Variants in PSD3 observed in about 807,000 individuals in gnomAD.
PSD3 encodes the protein pleckstrin and Sec7 domain containing 3.
A neutral mutation model predicts 105.5 loss-of-function variants in PSD3; 49 were observed. The observed-to-expected ratio is 0.46, with a 90% CI of 0.37 to 0.59. The LOEUF (loss-of-function observed/expected upper bound fraction) is 0.59. Ranked by LOEUF, PSD3 falls within the 20% of genes least tolerant of loss-of-function variation. The pLI is 0.00. For synonymous variants in PSD3, 557 were observed against 457.8 expected (o/e 1.22, Z -2.77); for missense variants, 1,561 against 1,263.8 (o/e 1.24, Z -3.57).
chr8:18,635,636 A>G (rs958843649), intron 10 of PSD3, among the ~76,000 whole-genome samples: 3 of 152,166 alleles, frequency 2.0e-5, no homozygotes, highest in Non-Finnish European at 4.4e-5. Context: ...AACCAACCCA[A>G]ATGCCCACCA....
intron 9 of PSD3, among the ~76,000 whole-genome samples, chr8:18,716,248 G>A (rs1157608131): frequency 3.3e-5 from 5 of 152,178 alleles, no homozygotes; most frequent in East Asian, 1.9e-4. Flanking sequence ...TACCACTCAT[G>A]GTCCACACTC....
At chr8:18,616,615 T>C (rs1280869633) in intron 11 of PSD3, among the ~76,000 whole-genome samples, 1 of 80,470 alleles carries the variant, frequency 1.2e-5, no homozygotes, top group Non-Finnish European at 2.7e-5. Flanking sequence ...CTCATCTTCC[T>C]CTCTTTTCTT....
intron 1 of PSD3, among the ~76,000 whole-genome samples, chr8:19,030,247 A>G (rs1184130705): frequency 6.6e-6 from 1 of 152,154 alleles, no homozygotes; most frequent in Non-Finnish European, 1.5e-5. Context: ...TTTCTTTTTT[A>G]TGCTGTAATT....
chr8:18,835,860 A>G (rs1814064142), intron 4 of PSD3, among the ~76,000 whole-genome samples: 2 of 152,204 alleles, frequency 1.3e-5, no homozygotes, highest in African/African-American at 4.8e-5. Flanking sequence ...GAGGCCACAG[A>G]GCGGTGTATG....
chr8:18,572,884 C>T (rs1802228816), intron 13 of PSD3, among the ~76,000 whole-genome samples: 1 of 152,138 alleles, frequency 6.6e-6, no homozygotes, highest in African/African-American at 2.4e-5. Flanking sequence ...GACTGTGATT[C>T]TCTCCCTAGG....
intron 7 of PSD3, among the ~76,000 whole-genome samples, chr8:18,800,639 A>T (rs1490346659): frequency 6.6e-6 from 1 of 152,230 alleles, no homozygotes; most frequent in African/African-American, 2.4e-5. Flanking sequence ...GTCCACAAAC[A>T]AACAGTTTAC....
intron 2 of PSD3, among the ~76,000 whole-genome samples, chr8:18,874,858 C>A (rs540345386): frequency 6.6e-6 from 1 of 151,944 alleles, no homozygotes; most frequent in Non-Finnish European, 1.5e-5. Context: ...AATAGCAATA[C>A]CTCTGAGAGT....
At chr8:18,935,518 A>G (rs1036434945) in intron 2 of PSD3, among the ~76,000 whole-genome samples, 1 of 151,612 alleles carries the variant, frequency 6.6e-6, no homozygotes, top group Non-Finnish European at 1.5e-5. Context: ...TCTTAAAAAA[A>G]AAAAAAAAAG....
At chr8:18,983,038 C>A (rs575125325) in intron 1 of PSD3, among the ~76,000 whole-genome samples, 126 of 152,334 alleles carry the variant, frequency 8.3e-4, no homozygotes, top group Middle Eastern at 3.4e-3. Context: ...TGATGTTTAG[C>A]ATAGCCTCAG....
intron 9 of PSD3, among the ~76,000 whole-genome samples, chr8:18,718,232 T>C (rs1585717349): frequency 6.6e-6 from 1 of 152,220 alleles, no homozygotes; most frequent in East Asian, 1.9e-4. Flanking sequence ...CTCACAATCT[T>C]TTATTTTATT....
intron 4 of PSD3, among the ~76,000 whole-genome samples, chr8:18,814,459 G>C (rs1288496071): frequency 2.0e-5 from 3 of 152,154 alleles, no homozygotes; most frequent in Admixed American, 6.5e-5. Context: ...AACGTTTCTA[G>C]GGGCATGATG....
intron 11 of PSD3, among the ~76,000 whole-genome samples, chr8:18,623,234 A>AC (rs1554524929): frequency 6.6e-6 from 1 of 151,498 alleles, no homozygotes; most frequent in African/African-American, 2.4e-5. Flanking sequence ...TCTAATTGTA[A>AC]TTTTCCTGTG....
intron 1 of PSD3, among the ~76,000 whole-genome samples, chr8:19,061,517 T>A (rs1250093731): frequency 6.6e-6 from 1 of 151,702 alleles, no homozygotes; most frequent in East Asian, 1.9e-4. Flanking sequence ...AAAAAAAAAA[T>A]CACTTCCCGG....
chr8:18,701,309 G>GT (rs991815881), intron 9 of PSD3, among the ~76,000 whole-genome samples: 6 of 151,832 alleles, frequency 4.0e-5, no homozygotes, highest in Admixed American at 2.6e-4. Context: ...AAGTAAAATA[G>GT]TTTTTTTTGG....
At chr8:18,928,698 A>G (rs1821540129) in intron 2 of PSD3, among the ~76,000 whole-genome samples, 1 of 149,632 alleles carries the variant, frequency 6.7e-6, no homozygotes, top group Admixed American at 6.7e-5. Flanking sequence ...TTTTCTTTTT[A>G]TCTTTCTCTT....
chr8:18,722,472 G>C (rs1171025110), intron 9 of PSD3, among the ~76,000 whole-genome samples: 2 of 152,014 alleles, frequency 1.3e-5, no homozygotes, highest in African/African-American at 2.4e-5. Flanking sequence ...CCTTGTAAAA[G>C]GTTTCCCTTC....
chr8:18,971,961 C>A (rs377648799), intron 1 of PSD3, among the ~76,000 whole-genome samples: 1 of 152,024 alleles, frequency 6.6e-6, no homozygotes. Flanking sequence ...GCCGAGATCA[C>A]GCCACAGCAC....
intron 1 of PSD3, among the ~76,000 whole-genome samples, chr8:19,061,364 A>G (rs1443115670): frequency 6.6e-6 from 1 of 152,210 alleles, no homozygotes; most frequent in African/African-American, 2.4e-5. Flanking sequence ...ATCACTGGCG[A>G]CAAGACAAAA....
At chr8:18,799,945 C>T (rs771480314) in intron 7 of PSD3, among the ~76,000 whole-genome samples, 1 of 152,100 alleles carries the variant, frequency 6.6e-6, no homozygotes, top group Non-Finnish European at 1.5e-5. Context: ...AATTATTGCA[C>T]TCATAAATTA....
Sources: gnomAD v4.1 joint callset for allele counts (sites outside exome capture counted in the v4.1 genomes callset) on GRCh38, gnomAD v4.1.1 for gene constraint, MANE v1.5 for transcripts, NCBI Gene and HGNC (gene_info 2026-07-23, HGNC 2026-07-21) for gene names.